Variants in FBXO31 observed in about 807,000 individuals in gnomAD.
The protein encoded by FBXO31 is F-box only protein 31.
Under a neutral mutation model 54.4 loss-of-function variants are expected in FBXO31, and 24 were observed. That is an observed-to-expected ratio of 0.44 (90% CI 0.32 to 0.62). The LOEUF (loss-of-function observed/expected upper bound fraction) is 0.62, where lower values mean the gene tolerates loss of function less well. FBXO31 is among the 20% of genes least tolerant of loss of function. The pLI, the probability that FBXO31 is intolerant of heterozygous loss-of-function variation, is 0.05. For synonymous variants in FBXO31, 388 were observed against 335.6 expected, an observed-to-expected ratio of 1.16 and a Z score of -1.71; for missense variants, 665 against 787.1, an observed-to-expected ratio of 0.84 and a Z score of 1.86.
upstream of FBXO31, chr16:87,386,172 G>A (rs1907322206): frequency 6.6e-6 from 1 of 152,238 alleles, no homozygotes; most frequent in South Asian, 2.1e-4. Flanking sequence ...GGAAACAGGA[G>A]GCTGGTTCAG....
intron 1 of FBXO31, 149 bp from the exon 2 acceptor site, chr16:87,360,515 C>A: frequency 1.5e-6 from 1 of 660,154 alleles, no homozygotes; most frequent in Non-Finnish European, 2.7e-6. Flanking sequence ...ATTTCACTGA[C>A]TTCTCCACAT....
chr16:87,332,948 T>G (rs1014536713), intron 8 of FBXO31, among the ~76,000 whole-genome samples: 2 of 152,208 alleles, frequency 1.3e-5, no homozygotes, highest in African/African-American at 4.8e-5. Flanking sequence ...CAGAACCCTC[T>G]GTGGTGATGG....
chr16:87,370,766 G>C (rs368887259), intron 1 of FBXO31, among the ~76,000 whole-genome samples: 2 of 152,308 alleles, frequency 1.3e-5, no homozygotes, highest in African/African-American at 4.8e-5. Context: ...CTGCTGGCTG[G>C]TGTCCTACCC....
chr16:87,339,005 T>G (rs7201507), intron 5 of FBXO31, among the ~76,000 whole-genome samples: 114,878 of 152,150 alleles, frequency 0.76, 43,697 homozygotes, highest in Middle Eastern at 0.87. Context: ...TCTCTTTTTT[T>G]GCCTGCCGCC....
chr16:87,347,358 G>A (rs1002787540), intron 2 of FBXO31, 108 bp from the exon 3 acceptor site: 6 of 904,148 alleles, frequency 6.6e-6, no homozygotes, highest in African/African-American at 3.3e-5. Flanking sequence ...CAAAAGGCTT[G>A]CAAGAGCCCT....
rs1206868563 is a variant in FBXO31, at chr16:87,345,233, C to T, written c.490-1468G>A. 6.6e-6 allele frequency among the ~76,000 whole-genome samples: 1 copy of T among 152,112 alleles called. No individual in the cohort carries two copies. The highest frequency in any genetic ancestry group is 1.5e-5 in the Non-Finnish European group (1 of 68,024). ...ACAGCAAGAACGATGGCAACAGTGA[C>T]ACCTCAGGGGCCAGCTGCCTGCCCA... On this transcript the variant is annotated intron_variant, in intron 3 of 8. Coordinates refer to ENST00000311635, the MANE Select transcript of FBXO31 (RefSeq NM_024735.5). This position sits in a 1 kb window ranked among gnomAD's most constrained non-coding sequence, Gnocchi z 4.9.
chr16:87,331,769 G>A (rs1251455173), intron 8 of FBXO31, among the ~76,000 whole-genome samples: 3 of 152,214 alleles, frequency 2.0e-5, no homozygotes, highest in Admixed American at 6.5e-5. Flanking sequence ...GGGGCTGCTC[G>A]GGGGATGGGC....
intron 1 of FBXO31, among the ~76,000 whole-genome samples, chr16:87,361,365 T>G (rs1373341589): frequency 1.3e-5 from 2 of 152,250 alleles, no homozygotes; most frequent in African/African-American, 4.8e-5. Context: ...AAAAGCTTCC[T>G]TCGCAGTGAG....
At chr16:87,348,671 G>A (rs1905506015) in intron 2 of FBXO31, among the ~76,000 whole-genome samples, 1 of 152,172 alleles carries the variant, frequency 6.6e-6, no homozygotes, top group East Asian at 1.9e-4. Context: ...CATCTGGGTC[G>A]CTGGAAGCAC....
At chr16:87,392,063 GC>G, upstream of FBXO31, 1 of 211,880 alleles carries the variant, frequency 4.7e-6, no homozygotes, top group Non-Finnish European at 9.4e-6. Flanking sequence ...CCGGGGTGCG[GC>G]CCAGCCCACA....
chr16:87,339,580 G>T (rs1905130047), intron 5 of FBXO31, among the ~76,000 whole-genome samples: 1 of 152,146 alleles, frequency 6.6e-6, no homozygotes, highest in South Asian at 2.1e-4. Flanking sequence ...GCCCTACCTG[G>T]GACAGTGGCA....
chr16:87,332,473 T>C (rs977091858), intron 8 of FBXO31, among the ~76,000 whole-genome samples: 1 of 152,258 alleles, frequency 6.6e-6, no homozygotes, highest in African/African-American at 2.4e-5. Context: ...AGTTCTGAGA[T>C]GTTTGAAGGG....
intron 1 of FBXO31, among the ~76,000 whole-genome samples, chr16:87,364,211 G>C (rs9923583): frequency 1.3e-5 from 2 of 152,306 alleles, no homozygotes; most frequent in African/African-American, 4.8e-5. Context: ...ACTCCACCAG[G>C]CCATGGAGCT....
At chr16:87,352,247 TACACA>T (rs897977822) in intron 2 of FBXO31, among the ~76,000 whole-genome samples, 3 of 152,178 alleles carry the variant, frequency 2.0e-5, no homozygotes, top group Non-Finnish European at 4.4e-5. Context: ...GCTAAACAAC[TACACA>T]GGAAAACCAA....
chr16:87,375,279 C>T (rs748225678), intron 1 of FBXO31, among the ~76,000 whole-genome samples: 5 of 152,124 alleles, frequency 3.3e-5, no homozygotes, highest in Admixed American at 6.6e-5. Flanking sequence ...TGCACTCCAG[C>T]CTGGGTGACA....
In FBXO31 at chr16:87,345,390, A is replaced by G. The variant is rs1597364060; in HGVS notation, c.490-1625T>C. On this transcript the variant is annotated intron_variant, in intron 3 of 8. Transcript: ENST00000311635. The surrounding 1 kb of genome is among the most constrained non-coding windows in gnomAD (Gnocchi z 4.9). ...TGGGAGGGCGGACCGGAAGCCATGC[A>G]GACTCCATGCAGACACTGGCACCAC... Among the ~76,000 whole-genome samples, 1 of 152,180 alleles carries G rather than the reference A, an allele frequency of 6.6e-6. No individual in the cohort carries two copies. Among genetic ancestry groups the G allele is most frequent in the East Asian group, 1.9e-4 (1 of 5,174 alleles).
intron 8 of FBXO31, among the ~76,000 whole-genome samples, chr16:87,332,611 A>G (rs547781515): frequency 6.7e-6 from 1 of 148,176 alleles, no homozygotes; most frequent in African/African-American, 2.5e-5. Context: ...ACATGAAGAA[A>G]GCCCCGCCCA....
intron 1 of FBXO31, among the ~76,000 whole-genome samples, chr16:87,377,213 G>C (rs1906861350): frequency 6.6e-6 from 1 of 152,236 alleles, no homozygotes; most frequent in South Asian, 2.1e-4. Context: ...GGGAGGCCGA[G>C]GCGGGCGGAC....
rs1017461183 is a variant in FBXO31 at position 87,338,052 on chromosome 16, G to A, written c.733-1788C>T. ...AATGAACAAAGATTTCAATGTTACC[G>A]CTGTGAGTACTGCGACTTCAACTTG... On this transcript the variant is annotated intron_variant, in intron 5 of 8. Coordinates refer to ENST00000311635, the MANE Select transcript of FBXO31 (RefSeq NM_024735.5). This position sits in a 1 kb window ranked among gnomAD's most constrained non-coding sequence, Gnocchi z 4.3. Among the ~76,000 whole-genome samples, 7 of 152,108 alleles carry A rather than the reference G, an allele frequency of 4.6e-5. No individual in the cohort carries two copies. Among genetic ancestry groups the A allele is most frequent in the South Asian group, 2.1e-4 (1 of 4,818 alleles).
Sources: allele counts gnomAD v4.1 joint callset (sites outside exome capture counted in the v4.1 genomes callset), GRCh38; gene constraint gnomAD v4.1.1; non-coding constraint Gnocchi (gnomAD v3.1); transcripts MANE v1.5; gene names NCBI Gene and HGNC (gene_info 2026-07-23, HGNC 2026-07-21).